The following SLC30A9 variants were observed in gnomAD, a reference collection of about 807,000 sequenced individuals.
The protein encoded by SLC30A9 is solute carrier family 30 member 9, also known as proton-coupled zinc antiporter SLC30A9, mitochondrial.
SLC30A9 carries 58 observed loss-of-function variants against 87.5 expected under a neutral mutation model. The observed-to-expected ratio is 0.66, with a 90% CI of 0.54 to 0.82. SLC30A9 has a LOEUF of 0.82. Among genes scored for constraint, SLC30A9 ranks in the 40% least tolerant of loss-of-function variants. SLC30A9 has a pLI of 0.00. For missense variants in SLC30A9, 557 were observed against 679.1 expected, an observed-to-expected ratio of 0.82 and a Z score of 2.00; for synonymous variants, 234 against 233.0, an observed-to-expected ratio of 1.00 and a Z score of -0.04.
At chr4:42,083,697 C>A in intron 17 of SLC30A9, among the ~76,000 whole-genome samples, 1 of 151,490 alleles carries the variant, frequency 6.6e-6, no homozygotes, top group African/African-American at 2.4e-5. Context: ...GTAAATTTTT[C>A]AAGTCATATT....
At chr4:42,064,781 G>T (rs1054238980) in intron 11 of SLC30A9, among the ~76,000 whole-genome samples, 1 of 152,084 alleles carries the variant, frequency 6.6e-6, no homozygotes, top group African/African-American at 2.4e-5. Flanking sequence ...TGTTGGACTA[G>T]GTTCAAAGTT....
chr4:42,046,034 G>A (rs971456109), intron 8 of SLC30A9, among the ~76,000 whole-genome samples: 4 of 152,164 alleles, frequency 2.6e-5, no homozygotes, highest in East Asian at 1.9e-4. Flanking sequence ...ATTCAACACC[G>A]CCTCATGCTA....
chr4:42,042,005 G>A (rs2153137701), intron 8 of SLC30A9, among the ~76,000 whole-genome samples: 1 of 152,300 alleles, frequency 6.6e-6, no homozygotes, highest in Middle Eastern at 3.4e-3. Flanking sequence ...GGACTGTGCT[G>A]TGAGGAACGG....
chr4:42,068,545 G>A (rs904614666), intron 14 of SLC30A9, among the ~76,000 whole-genome samples: 5 of 152,116 alleles, frequency 3.3e-5, no homozygotes, highest in African/African-American at 9.7e-5. Context: ...ACGCCCGGCC[G>A]GAACTTAACT....
intron 8 of SLC30A9, among the ~76,000 whole-genome samples, chr4:42,045,115 A>T (rs1717092535): frequency 6.6e-6 from 1 of 152,216 alleles, no homozygotes; most frequent in Non-Finnish European, 1.5e-5. Flanking sequence ...AGTCGGAAAG[A>T]TCTAAAATCG....
chr4:42,046,836 C>T (rs1487536485), intron 8 of SLC30A9, among the ~76,000 whole-genome samples: 2 of 152,314 alleles, frequency 1.3e-5, no homozygotes, highest in East Asian at 3.9e-4. Flanking sequence ...TCAAACTATA[C>T]TACAAGGCTG....
chr4:42,081,361 T>A (rs1272900022), intron 17 of SLC30A9, among the ~76,000 whole-genome samples: 1 of 152,220 alleles, frequency 6.6e-6, no homozygotes, highest in Non-Finnish European at 1.5e-5. Context: ...TGGTATTGTT[T>A]GATGCCATTT....
intron 2 of SLC30A9, among the ~76,000 whole-genome samples, chr4:42,004,664 C>CTTTTTTTTTT (rs71198699): frequency 1.6e-5 from 2 of 128,320 alleles, no homozygotes; most frequent in Non-Finnish European, 3.2e-5. Flanking sequence ...TTTTCTTTTT[C>CTTTTTTTTTT]TTTTTTTTTT....
chr4:41,990,655 T>A lies in SLC30A9; in HGVS notation c.4T>A (p.Leu2Ile). The change falls in exon 1 of 18, where the codon TTA (leucine) becomes ATA (isoleucine). Residue 2 changes from leucine (L) to isoleucine (I), a missense_variant. Leu to Ile is a conservative substitution (Grantham distance 5, BLOSUM62 2). Transcript: ENST00000264451. The part of the protein sequence containing the change: M[L>I]PGLAAAAAHR... ...TAGGGGCCTCTGCCCCACCAGGATG[T>A]TACCCGGCTTGGCCGCCGCCGCGGC... 1 of 1,604,212 alleles carries A rather than the reference T, an allele frequency of 6.2e-7. No individual in the cohort carries two copies. The highest frequency in any genetic ancestry group is 8.5e-7 in the Non-Finnish European group (1 of 1,173,728).
At position 42,001,660 on chromosome 4, in the gene SLC30A9, C is replaced by A; in HGVS notation, c.154C>A (p.Pro52Thr). The A allele has an allele frequency of 6.2e-7, 1 of 1,604,226 alleles. No individual in the cohort carries two copies. The highest frequency in any genetic ancestry group is 1.3e-5 in the African/African-American group (1 of 74,816). ...VTFGSFSNMV[P>T]CSHPYIGTLS... ...ATTTGGAAGCTTTTCAAACATGGTT[C>A]CCTGTAGTCATCCATATATTGGTAC... Residue 52 changes from proline (P) to threonine (T), a missense_variant, in exon 2 of 18, where the codon CCC (proline) becomes ACC (threonine). By Grantham distance (38) the Pro-to-Thr change is conservative (BLOSUM62 -1). Around this residue, in one of 2 missense-constraint regions of SLC30A9, gnomAD observed 467 missense variants for 529.8 expected, o/e 0.88. Transcript: ENST00000264451.
intron 6 of SLC30A9, among the ~76,000 whole-genome samples, chr4:42,027,090 C>A (rs960956621): frequency 6.6e-6 from 1 of 152,124 alleles, no homozygotes; most frequent in African/African-American, 2.4e-5. Flanking sequence ...TCTTCAGTAG[C>A]CAGAGTTGGC....
At chr4:42,072,776 A>C (rs187010149) in intron 15 of SLC30A9, among the ~76,000 whole-genome samples, 22 of 144,996 alleles carry the variant, frequency 1.5e-4, no homozygotes, top group Admixed American at 2.7e-4. Context: ...AGTGACTTCA[A>C]TTTCCCTAAT....
chr4:42,068,697 A>C (rs1046181812), intron 14 of SLC30A9, among the ~76,000 whole-genome samples: 1 of 152,204 alleles, frequency 6.6e-6, no homozygotes, highest in African/African-American at 2.4e-5. Flanking sequence ...GTCTTTTTCC[A>C]CACTTAATGC....
At chr4:42,033,027 A>G (rs896805978) in intron 6 of SLC30A9, among the ~76,000 whole-genome samples, 2 of 152,148 alleles carry the variant, frequency 1.3e-5, no homozygotes, top group African/African-American at 4.8e-5. Context: ...TTTTCTTTGT[A>G]TCTTTAGTAT....
chr4:42,084,398 A>G (rs1475815162), intron 17 of SLC30A9, among the ~76,000 whole-genome samples: 3 of 152,070 alleles, frequency 2.0e-5, no homozygotes. Flanking sequence ...CACAGTATTA[A>G]TATGTTACAT....
chr4:42,001,056 A>G lies in SLC30A9; in HGVS notation c.110-560A>G, dbSNP rs530807003. Among the ~76,000 whole-genome samples the G allele has an allele frequency of 2.6e-5, 4 of 152,212 alleles. No individual in the cohort carries two copies. In the South Asian group the frequency reaches 8.3e-4, roughly 32 times the overall value. ...AGCTCACAGTCAACCCAGATGAAGCAGCTGAAGTGCTTTGTAATTAGTCTT... is the reference window on the plus strand; with the variant it reads ...AGCTCACAGTCAACCCAGATGAAGCGGCTGAAGTGCTTTGTAATTAGTCTT... On this transcript the variant is annotated intron_variant, in intron 1 of 17. Transcript: ENST00000264451.
At chr4:42,010,201 GA>G (rs2153134017) in intron 2 of SLC30A9, among the ~76,000 whole-genome samples, 1 of 152,240 alleles carries the variant, frequency 6.6e-6, no homozygotes, top group South Asian at 2.1e-4. Context: ...TTGGTCAAGT[GA>G]AGTGGCTCAC....
At chr4:42,001,901 T>G (rs1715001977) in intron 2 of SLC30A9, 121 bp downstream of exon 2, 1 of 613,352 alleles carries the variant, frequency 1.6e-6, no homozygotes, top group Admixed American at 3.8e-5. Context: ...ATGTTTTCTT[T>G]GTGGGAACTA....
chr4:42,033,827 G>T (rs1282716671), intron 6 of SLC30A9, among the ~76,000 whole-genome samples: 1 of 152,062 alleles, frequency 6.6e-6, no homozygotes, highest in Non-Finnish European at 1.5e-5. Context: ...CACCCGCCTT[G>T]GCCTCCCAAA....
Sources: allele counts gnomAD v4.1 joint callset (sites outside exome capture counted in the v4.1 genomes callset), GRCh38; gene constraint gnomAD v4.1.1; regional missense constraint gnomAD v4.1.1; transcripts MANE v1.5; gene names NCBI Gene and HGNC (gene_info 2026-07-23, HGNC 2026-07-21).